Variants in PDE1C observed in about 807,000 individuals in gnomAD.
The protein encoded by PDE1C is phosphodiesterase 1C, also known as dual specificity calcium/calmodulin-dependent 3',5'-cyclic nucleotide phosphodiesterase 1C.
In PDE1C, 62 loss-of-function variants were observed where a neutral mutation model predicts 93.1. The ratio of observed to expected loss-of-function variants is 0.67; its 90% CI spans 0.54 to 0.82. The LOEUF is 0.82. PDE1C is among the 40% of genes least tolerant of loss of function. The probability of loss-of-function intolerance (pLI) is 0.00; values close to 1 mark genes in which losing one functional copy is unlikely to be tolerated. For missense variants in PDE1C, 742 were observed against 884.6 expected, an observed-to-expected ratio of 0.84 and a Z score of 2.04; for synonymous variants, 325 against 310.1, an observed-to-expected ratio of 1.05 and a Z score of -0.50.
upstream of PDE1C, chr7:32,070,525 C>T: frequency 6.7e-7 from 1 of 1,493,396 alleles, no homozygotes; most frequent in Non-Finnish European, 8.9e-7. Context: ...GGCGCGCTCC[C>T]CCTTCTGCGC....
rs1794244115 is a variant in PDE1C, at chr7:31,753,537, C to T, written c.1977G>A (p.Leu659=). The T allele has an allele frequency of 6.2e-7, 1 of 1,609,886 alleles. No individual in the cohort carries two copies. Among genetic ancestry groups the T allele is most frequent in the Non-Finnish European group, 8.5e-7 (1 of 1,178,680 alleles). The change falls in exon 18 of 18, where the codon TTG becomes TTA. Residue 659 remains leucine, a synonymous_variant. Coordinates refer to ENST00000396191, the MANE Select transcript of PDE1C (RefSeq NM_001191057.4). ...CGTAAGCAGGGCGTTTAAAATGACG[C>T]AAAGGAGGCTTGATGACTGGCGGCC... The part of the protein sequence containing the change: ...RLTLPVIKPP[L]RHFKRPAYAS...
intron 5 of PDE1C, among the ~76,000 whole-genome samples, chr7:31,875,790 C>CATATATAT (rs1562955950): frequency 4.1e-5 from 1 of 24,150 alleles, no homozygotes; most frequent in African/African-American, 1.7e-4. Flanking sequence ...TAGAAGCTTA[C>CATATATAT]ATCTATATAT....
At chr7:32,267,745 T>C (rs895886579) in intron 1 of PDE1C, among the ~76,000 whole-genome samples, 5 of 152,124 alleles carry the variant, frequency 3.3e-5, no homozygotes, top group African/African-American at 1.2e-4. Flanking sequence ...CAGAAATGAC[T>C]TCTTTTTCTC....
At chr7:31,964,609 T>C (rs1384033868) in intron 2 of PDE1C, among the ~76,000 whole-genome samples, 2 of 152,198 alleles carry the variant, frequency 1.3e-5, no homozygotes, top group African/African-American at 4.8e-5. Context: ...AAGAGAGTAG[T>C]GGTTCTCCCA....
intron 1 of PDE1C, among the ~76,000 whole-genome samples, chr7:32,211,920 G>A (rs1391515132): frequency 6.6e-6 from 1 of 151,312 alleles, no homozygotes. Context: ...CAGCTACTCG[G>A]GAAGCTGCAG....
chr7:32,285,522 A>T (rs538051530), intron 1 of PDE1C, among the ~76,000 whole-genome samples: 7 of 152,306 alleles, frequency 4.6e-5, no homozygotes, highest in Admixed American at 2.6e-4. Flanking sequence ...AAAATAAAAT[A>T]GAATGAAGTA....
intron 2 of PDE1C, among the ~76,000 whole-genome samples, chr7:32,200,648 CCT>C (rs1210008565): frequency 9.2e-5 from 14 of 152,124 alleles, no homozygotes; most frequent in Non-Finnish European, 1.8e-4. Flanking sequence ...TTCCACAGGG[CCT>C]CTGTTTCCTC....
chr7:32,291,082 T>C (rs932580565), intron 1 of PDE1C, among the ~76,000 whole-genome samples: 10 of 152,234 alleles, frequency 6.6e-5, no homozygotes, highest in African/African-American at 2.2e-4. Flanking sequence ...TTGATGTGTA[T>C]TAACTCCTCT....
At chr7:32,285,029 CA>C (rs773479808) in intron 1 of PDE1C, among the ~76,000 whole-genome samples, 212 of 81,236 alleles carry the variant, frequency 2.6e-3, no homozygotes, top group Non-Finnish European at 2.6e-3. Flanking sequence ...GACTCTGTCT[CA>C]AAAAAAAAAA....
chr7:31,933,178 C>T (rs1055030630), intron 2 of PDE1C, among the ~76,000 whole-genome samples: 2 of 151,910 alleles, frequency 1.3e-5, no homozygotes, highest in Admixed American at 1.3e-4. Context: ...TACATGTATA[C>T]CTATGTAACA....
At chr7:32,290,313 G>C (rs1006173192) in intron 1 of PDE1C, among the ~76,000 whole-genome samples, 1 of 152,210 alleles carries the variant, frequency 6.6e-6, no homozygotes, top group Admixed American at 6.5e-5. Flanking sequence ...GGCTGGTGGA[G>C]GGTTGGCAGA....
the PDE1C span, among the ~76,000 whole-genome samples, chr7:31,701,210 G>A: frequency 6.6e-6 from 1 of 152,196 alleles, no homozygotes; most frequent in African/African-American, 2.4e-5. Flanking sequence ...GTGACTCAAG[G>A]GAGGAGGTCA....
intron 2 of PDE1C, among the ~76,000 whole-genome samples, chr7:32,015,780 T>C (rs759470049): frequency 2.2e-4 from 34 of 152,124 alleles, no homozygotes; most frequent in Non-Finnish European, 4.9e-4. Flanking sequence ...CAAGGAGCTT[T>C]TTCATGGAAA....
intron 1 of PDE1C, among the ~76,000 whole-genome samples, chr7:32,418,286 G>A (rs916942824): frequency 6.6e-6 from 1 of 152,080 alleles, no homozygotes; most frequent in African/African-American, 2.4e-5. Flanking sequence ...TCAGCACAAG[G>A]CTTAAGACCT....
At chr7:32,286,779 C>T (rs1401462638) in intron 1 of PDE1C, among the ~76,000 whole-genome samples, 1 of 152,108 alleles carries the variant, frequency 6.6e-6, no homozygotes, top group Admixed American at 6.5e-5. Context: ...GTATGTGGAC[C>T]AAGGATAGGA....
intron 2 of PDE1C, among the ~76,000 whole-genome samples, chr7:32,026,409 G>A (rs772959574): frequency 3.8e-4 from 58 of 151,984 alleles, no homozygotes; most frequent in African/African-American, 1.3e-3. Context: ...AACATACCTC[G>A]GTCCATTCTG....
chr7:31,650,383 T>G, the PDE1C span, among the ~76,000 whole-genome samples: 1 of 152,172 alleles, frequency 6.6e-6, no homozygotes, highest in African/African-American at 2.4e-5. Flanking sequence ...GTCAAGTCTG[T>G]TAGTGGAGAG....
chr7:31,786,535 G>A (rs1323387122), intron 16 of PDE1C: 2 of 152,148 alleles, frequency 1.3e-5, no homozygotes, highest in Admixed American at 1.3e-4. Flanking sequence ...GCATTCACAA[G>A]TGGATAGTGG....
At chr7:32,050,186 G>T (rs1033883074) in intron 2 of PDE1C, among the ~76,000 whole-genome samples, 1 of 152,126 alleles carries the variant, frequency 6.6e-6, no homozygotes, top group Non-Finnish European at 1.5e-5. Flanking sequence ...ATAATCTTAT[G>T]GGACCACCTA....
Sources: gnomAD v4.1 joint callset for allele counts (sites outside exome capture counted in the v4.1 genomes callset) on GRCh38, gnomAD v4.1.1 for gene constraint, MANE v1.5 for transcripts, NCBI Gene and HGNC (gene_info 2026-07-23, HGNC 2026-07-21) for gene names.